Variants in MYO10 observed in about 807,000 individuals in gnomAD.
MYO10 encodes unconventional myosin-X.
In MYO10, 133 loss-of-function variants were observed where a neutral mutation model predicts 257.3. The observed-to-expected ratio is 0.52, with a 90% CI of 0.45 to 0.60. The LOEUF (loss-of-function observed/expected upper bound fraction) is 0.60. Ranked by LOEUF, MYO10 falls within the 20% of genes least tolerant of loss-of-function variation. MYO10 has a pLI of 0.00. For missense variants in MYO10, 2,399 were observed against 2,635.7 expected, an observed-to-expected ratio of 0.91 and a Z score of 1.97; for synonymous variants, 1,104 against 1,028.6, an observed-to-expected ratio of 1.07 and a Z score of -1.40.
intron 32 of MYO10, among the ~76,000 whole-genome samples, chr5:16,680,599 C>A (rs2288432): frequency 0.31 from 47,397 of 152,022 alleles, 7,530 homozygotes; most frequent in South Asian, 0.41. Flanking sequence ...AACTGTGTTA[C>A]ACAGAAGCAC....
At chr5:16,901,189 C>T (rs140685016) in intron 1 of MYO10, among the ~76,000 whole-genome samples, 53 of 152,258 alleles carry the variant, frequency 3.5e-4, no homozygotes, top group Admixed American at 1.1e-3. Context: ...CTCACCCCAG[C>T]CTGTTGCTTT....
intron 9 of MYO10, among the ~76,000 whole-genome samples, chr5:16,770,619 G>A (rs1283537956): frequency 6.6e-6 from 1 of 152,136 alleles, no homozygotes; most frequent in Non-Finnish European, 1.5e-5. Context: ...TGGCAATATC[G>A]ATGAAAATGA....
chr5:16,852,089 G>A (rs1165400628), intron 2 of MYO10, among the ~76,000 whole-genome samples: 2 of 140,938 alleles, frequency 1.4e-5, no homozygotes, highest in Admixed American at 7.2e-5. Context: ...AAGACTTACT[G>A]ATCACTGGGA....
intron 2 of MYO10, among the ~76,000 whole-genome samples, chr5:16,852,046 A>T (rs1413422655): frequency 9.8e-6 from 1 of 101,846 alleles, no homozygotes; most frequent in African/African-American, 4.4e-5. Flanking sequence ...GCAAGACTCC[A>T]TCTCAAAAAA....
chr5:16,804,741 C>A (rs186002975), intron 3 of MYO10, among the ~76,000 whole-genome samples: 40 of 152,046 alleles, frequency 2.6e-4, no homozygotes, highest in Admixed American at 4.6e-4. Flanking sequence ...GTGGCGAAAC[C>A]CCATCTCTAC....
intron 1 of MYO10, among the ~76,000 whole-genome samples, chr5:16,916,988 G>A (rs34214603): frequency 0.069 from 10,545 of 152,128 alleles, 434 homozygotes; most frequent in African/African-American, 0.11. Context: ...AATCAGGTCC[G>A]TATTGTCTGT....
At chr5:16,748,625 G>GGAGGGAGA (rs1553991964) in intron 19 of MYO10, among the ~76,000 whole-genome samples, 15 of 95,446 alleles carry the variant, frequency 1.6e-4, no homozygotes, top group African/African-American at 8.4e-4. Flanking sequence ...AGGGAGAGAG[G>GGAGGGAGA]GAGGGAGGGA....
chr5:16,695,273 G>A (rs1040123508), intron 26 of MYO10, among the ~76,000 whole-genome samples: 6 of 152,190 alleles, frequency 3.9e-5, no homozygotes, highest in Admixed American at 3.9e-4. Context: ...GGAGGAGGTT[G>A]CAGTGAGCAG....
chr5:16,818,185 A>G lies in MYO10; in HGVS notation c.121-18T>C. On this transcript the variant is annotated intron_variant, in intron 2 of 40. Transcript: ENST00000513610. ...GTGAATACCTGAGGGAGGGAGAGGA[A>G]TTCAATTATTTCATTATCAGCAGTA... 1 of 1,472,878 alleles carries G rather than the reference A, an allele frequency of 6.8e-7. No individual in the cohort carries two copies. Among genetic ancestry groups the G allele is most frequent in the South Asian group, 1.5e-5 (1 of 66,546 alleles). The allele number at this position is 1,472,878 out of a possible 1,614,324, so 91.2% of individuals were successfully genotyped here.
At chr5:16,775,794 G>A (rs191653100) in intron 9 of MYO10, among the ~76,000 whole-genome samples, 1 of 152,206 alleles carries the variant, frequency 6.6e-6, no homozygotes, top group Non-Finnish European at 1.5e-5. Context: ...GTACAGATGG[G>A]GTTTCACTAT....
At chr5:16,828,165 G>A (rs1743055641) in intron 2 of MYO10, among the ~76,000 whole-genome samples, 1 of 152,288 alleles carries the variant, frequency 6.6e-6, no homozygotes, top group Non-Finnish European at 1.5e-5. Flanking sequence ...GGTGAGGGCA[G>A]CACACAGCTC....
At chr5:16,702,871 C>A in intron 23 of MYO10, 54 bp downstream of exon 23, 1 of 1,468,180 alleles carries the variant, frequency 6.8e-7, no homozygotes. Flanking sequence ...AGATACCGAG[C>A]ACAGCACTCA....
At chr5:16,834,350 T>C (rs1314238465) in intron 2 of MYO10, among the ~76,000 whole-genome samples, 1 of 152,110 alleles carries the variant, frequency 6.6e-6, no homozygotes, top group African/African-American at 2.4e-5. Context: ...TGCACCGTGA[T>C]GAGGACGTGG....
intron 19 of MYO10, among the ~76,000 whole-genome samples, chr5:16,741,439 G>A (rs1194829132): frequency 6.6e-6 from 1 of 152,160 alleles, no homozygotes; most frequent in Non-Finnish European, 1.5e-5. Context: ...TGACTGCAGT[G>A]TATAAACTCT....
rs1386709461 is a variant in MYO10, at chr5:16,704,570, G to A, written c.2276+9C>T. On this transcript the variant is annotated intron_variant, in intron 22 of 40. Coordinates refer to ENST00000513610, the MANE Select transcript of MYO10 (RefSeq NM_012334.3). ...TTCCTGCCTTATCCCCTCAGCGTGG[G>A]GTTCTTACCGTGCTAAGAAGCCCAA... 6.2e-6 allele frequency: 10 copies of A among 1,611,776 alleles called. No individual in the cohort carries two copies. Among genetic ancestry groups the A allele is most frequent in the Non-Finnish European group, 8.5e-6 (10 of 1,178,126 alleles).
chr5:16,778,619 C>T (rs995663217), intron 9 of MYO10, among the ~76,000 whole-genome samples: 2 of 151,206 alleles, frequency 1.3e-5, no homozygotes, highest in African/African-American at 2.4e-5. Flanking sequence ...TCTTCCGCTC[C>T]TGTAGTGACC....
chr5:16,908,057 A>C (rs2126789839), intron 1 of MYO10, among the ~76,000 whole-genome samples: 1 of 152,142 alleles, frequency 6.6e-6, no homozygotes, highest in East Asian at 1.9e-4. Flanking sequence ...ACATGGCAAA[A>C]CCCTGTCTCT....
chr5:16,668,246 A>AAT (rs2126451865), intron 40 of MYO10, 31 bp downstream of exon 40: 1 of 1,576,862 alleles, frequency 6.3e-7, no homozygotes, highest in East Asian at 2.3e-5. Flanking sequence ...CAAGACCATG[A>AAT]ATAAAAAGAT....
At chr5:16,693,222 C>T (rs755668677) in intron 27 of MYO10, among the ~76,000 whole-genome samples, 9 of 152,124 alleles carry the variant, frequency 5.9e-5, no homozygotes, top group Non-Finnish European at 1.0e-4. Context: ...GAGCCGAGAT[C>T]GTGTCACTGC....
Sources: gnomAD v4.1 joint callset for allele counts (sites outside exome capture counted in the v4.1 genomes callset) on GRCh38, gnomAD v4.1.1 for gene constraint, MANE v1.5 for transcripts, NCBI Gene and HGNC (gene_info 2026-07-23, HGNC 2026-07-21) for gene names.